The following MMP28 variants were observed in gnomAD, a reference collection of about 807,000 sequenced individuals.
The protein encoded by MMP28 is matrix metallopeptidase 28, also known as matrix metalloproteinase-28.
A neutral mutation model predicts 60.5 loss-of-function variants in MMP28; 55 were observed. The ratio of observed to expected loss-of-function variants is 0.91; its 90% CI spans 0.73 to 1.14. The LOEUF (loss-of-function observed/expected upper bound fraction) is 1.14, where lower values mean the gene tolerates loss of function less well. Ranked by LOEUF, MMP28 falls within the 50% of genes most tolerant of loss-of-function variation. MMP28 has a pLI of 0.00. For synonymous variants in MMP28, 318 were observed against 312.5 expected, an observed-to-expected ratio of 1.02 and a Z score of -0.18; for missense variants, 686 against 738.3, an observed-to-expected ratio of 0.93 and a Z score of 0.82.
intron 1 of MMP28, among the ~76,000 whole-genome samples, chr17:35,780,161 T>C (rs35517765): frequency 0.28 from 42,489 of 152,050 alleles, 7,482 homozygotes; most frequent in African/African-American, 0.49. Flanking sequence ...CTCCGCCTCC[T>C]GGGTTCAAGC....
intron 1 of MMP28, among the ~76,000 whole-genome samples, chr17:35,782,525 C>T (rs1348715726): frequency 1.3e-5 from 2 of 152,230 alleles, no homozygotes; most frequent in African/African-American, 4.8e-5. Context: ...GCAACCTCCA[C>T]ATCCTCTTCT....
Position 35,768,269 on chromosome 17 carries a change from G to A in MMP28, c.961C>T (p.Pro321Ser), listed in dbSNP as rs1555604245. Residue 321 changes from proline (P) to serine (S), a missense_variant, in exon 6 of 8, where the codon CCT (proline) becomes TCT (serine). Physicochemically the swap from Pro to Ser is moderately conservative, Grantham distance 74. Coordinates refer to ENST00000605424, the MANE Select transcript of MMP28 (RefSeq NM_024302.5). ...PQGRRPETQGPKYCHSSFDAI... is the reference protein window; with the variant it reads ...PQGRRPETQGSKYCHSSFDAI... ...TCGAAGGAAGAGTGGCAGTATTTAGGGCCCTGCGTTTCAGGGCGCCTTCCT... is the reference window on the plus strand; with the variant it reads ...TCGAAGGAAGAGTGGCAGTATTTAGAGCCCTGCGTTTCAGGGCGCCTTCCT... The A allele has an allele frequency of 2.5e-6, 4 of 1,612,740 alleles. No individual in the cohort carries two copies. In the South Asian group the frequency reaches 3.3e-5, roughly 13 times the overall value.
chr17:35,786,337 C>T (rs913522371), intron 1 of MMP28, among the ~76,000 whole-genome samples: 6 of 152,096 alleles, frequency 3.9e-5, no homozygotes, highest in Non-Finnish European at 7.3e-5. Flanking sequence ...AGATTACAGG[C>T]GTGAGCCACC....
Position 35,770,277 on chromosome 17 carries a change from C to A in MMP28, c.640G>T (p.Gly214Cys), listed in dbSNP as rs563321974. ...ALAHAFLPRR[G>C]EAHFDQDERW... ...TCATCTTGGTCGAAGTGCGCTTCGC[C>A]GCGGCGGGGCAGGAAGGCGTGCGCC... The change falls in exon 5 of 8, where the codon GGC becomes TGC. Residue 214 changes from glycine (G) to cysteine (C), a missense_variant. Physicochemically the swap from Gly to Cys is radical, Grantham distance 159. Transcript: ENST00000605424. The A allele has an allele frequency of 7.1e-6, 11 of 1,558,250 alleles. No homozygotes were observed. In the East Asian group the frequency reaches 1.2e-4, roughly 17 times the overall value.
intron 3 of MMP28, among the ~76,000 whole-genome samples, chr17:35,776,459 A>G (rs2086333972): frequency 6.6e-6 from 1 of 152,146 alleles, no homozygotes; most frequent in Non-Finnish European, 1.5e-5. Context: ...TAAAGATGTG[A>G]GCCACTGTGC....
In MMP28 at chr17:35,766,920, T is replaced by A; in HGVS notation, c.1169-26A>T. Reference sequence around the variant, plus strand: ...CTGTGGGGAATTGGGAGAGCCAGGGTGAGCTGGAGGCTGTCACCCATTGGC... The same window carrying A: ...CTGTGGGGAATTGGGAGAGCCAGGGAGAGCTGGAGGCTGTCACCCATTGGC... On this transcript the variant is annotated intron_variant, in intron 7 of 7. Coordinates refer to ENST00000605424, the MANE Select transcript of MMP28 (RefSeq NM_024302.5). This position sits in a 1 kb window ranked among gnomAD's most constrained non-coding sequence, Gnocchi z 4.3. The A allele has an allele frequency of 6.4e-7, 1 of 1,552,100 alleles. No individual in the cohort carries two copies. The highest frequency in any genetic ancestry group is 2.4e-5 in the East Asian group (1 of 41,458).
intron 2 of MMP28, among the ~76,000 whole-genome samples, chr17:35,759,571 C>T (rs797030210): frequency 8.5e-5 from 13 of 152,130 alleles, no homozygotes; most frequent in African/African-American, 2.6e-4. Context: ...TGTGGTGACA[C>T]GCGCCTGTAG....
At chr17:35,768,039 G>A in intron 6 of MMP28, 120 bp from the exon 7 acceptor site, 1 of 1,336,392 alleles carries the variant, frequency 7.5e-7, no homozygotes, top group South Asian at 1.5e-5. Context: ...GGTGTGTACA[G>A]TTGGCGCAGA....
exon 3 of MMP28, chr17:35,756,303 G>T: frequency 1.6e-6 from 1 of 611,506 alleles, no homozygotes; most frequent in Non-Finnish European, 2.0e-6. Context: ...TCCAAAGTAG[G>T]CAAGTGGCTC....
At chr17:35,793,251 A>G (rs960138768) in intron 1 of MMP28, among the ~76,000 whole-genome samples, 1 of 152,318 alleles carries the variant, frequency 6.6e-6, no homozygotes, top group African/African-American at 2.4e-5. Context: ...TTTCCCAAGC[A>G]TACCCCAAGA....
Position 35,770,262 on chromosome 17 carries a change from C to A in MMP28, c.655G>T (p.Asp219Tyr). The change falls in exon 5 of 8, where the codon GAC (aspartate) becomes TAC (tyrosine). Residue 219 changes from aspartate (D) to tyrosine (Y), a missense_variant. Transcript: ENST00000605424. ...CTCAGGGACCAGCGCTCATCTTGGT[C>A]GAAGTGCGCTTCGCCGCGGCGGGGC... is the stretch of plus-strand genomic sequence containing the variant. ...FLPRRGEAHFDQDERWSLSRR... is the reference protein window; with the variant it reads ...FLPRRGEAHFYQDERWSLSRR... 4 of 1,578,940 alleles carry A rather than the reference C, an allele frequency of 2.5e-6. No homozygotes were observed. The South Asian group carries it at 4.5e-5, about 18-fold the overall frequency.
chr17:35,783,299 G>T (rs1555609829), intron 1 of MMP28, among the ~76,000 whole-genome samples: 1 of 152,196 alleles, frequency 6.6e-6, no homozygotes, highest in Non-Finnish European at 1.5e-5. Flanking sequence ...AATTGATCTG[G>T]TTGATTTACC....
downstream of MMP28, among the ~76,000 whole-genome samples, chr17:35,765,314 C>T (rs2085912347): frequency 6.6e-6 from 1 of 152,230 alleles, no homozygotes; most frequent in Non-Finnish European, 1.5e-5. Flanking sequence ...TTCTCGCCTG[C>T]CCTAGACGCC....
chr17:35,766,185 A>G lies in MMP28; in HGVS notation c.*315T>C. The G allele has an allele frequency of 1.8e-6, 2 of 1,131,482 alleles. No individual in the cohort carries two copies. Among genetic ancestry groups the G allele is most frequent in the African/African-American group, 1.6e-5 (1 of 62,612 alleles). 70.1% of individuals were successfully genotyped at this position (1,131,482 alleles called of 1,614,324 possible). On this transcript the variant is annotated 3_prime_UTR_variant, in exon 8 of 8. Coordinates refer to ENST00000605424, the MANE Select transcript of MMP28 (RefSeq NM_024302.5). The surrounding 1 kb of genome is among the most constrained non-coding windows in gnomAD (Gnocchi z 4.3). ...GGATCCCAGTGCTGTTACCTCTTGA[A>G]AGGAACTGTACCTTTAGCCGAAGAA...
At position 35,767,825 on chromosome 17, in the gene MMP28, T is replaced by C. The variant is rs373240050; in HGVS notation, c.1095A>G (p.Arg365=). The C allele has an allele frequency of 2.2e-5, 35 of 1,611,446 alleles. No individual in the cohort carries two copies. Among genetic ancestry groups the C allele is most frequent in the Non-Finnish European group, 2.6e-5 (31 of 1,179,090 alleles). ...NVSEPRPLQE[R]WVGLPPNIEA... is the part of the protein sequence containing the mutation. ...CAATGTTGGGGGGCAGCCCGACCCA[T>C]CTTTCCTGCAGTGGACGGGGCTCTG... Residue 365 remains arginine (R), a synonymous_variant, in exon 7 of 8, where the codon AGA becomes AGG. Transcript: ENST00000605424.
At position 35,778,876 on chromosome 17, in the gene MMP28, A is replaced by C; in HGVS notation, c.379+12T>G. The C allele has an allele frequency of 6.2e-7, 1 of 1,614,050 alleles. No individual in the cohort carries two copies. The highest frequency in any genetic ancestry group is 1.7e-5 in the Admixed American group (1 of 60,034). The stretch of plus-strand genomic sequence containing the variant: ...GGAAATCTTGGCCTAGCCGGATTTT[A>C]ACAGTGCTCACCTTGCTTTGCAAAG... On this transcript the variant is annotated intron_variant, in intron 3 of 7. Transcript: ENST00000605424.
Position 35,773,337 on chromosome 17 carries a change from C to T in MMP28, c.447G>A (p.Pro149=), listed in dbSNP as rs779529308. The change falls in exon 4 of 8, where the codon CCG becomes CCA. Residue 149 remains proline, a synonymous_variant. Coordinates refer to ENST00000605424, the MANE Select transcript of MMP28 (RefSeq NM_024302.5). Reference sequence around the variant, plus strand: ...CGGCGCGCACGGCGCCCCGAACTGCCGGCTCCGGCAGATGCTCAGGCCAGT... The same window carrying T: ...CGGCGCGCACGGCGCCCCGAACTGCTGGCTCCGGCAGATGCTCAGGCCAGT... The part of the protein sequence containing the change: ...LVNWPEHLPE[P]AVRGAVRAAF... 23 of 1,612,494 alleles carry T rather than the reference C, an allele frequency of 1.4e-5. No homozygotes were observed. The highest frequency in any genetic ancestry group is 2.7e-5 in the African/African-American group (2 of 74,930).
At chr17:35,794,431 A>G (rs1285968298) in intron 1 of MMP28, among the ~76,000 whole-genome samples, 1 of 151,908 alleles carries the variant, frequency 6.6e-6, no homozygotes, top group Non-Finnish European at 1.5e-5. Flanking sequence ...TTTTTAATAA[A>G]GACGGGGTTT....
chr17:35,768,145 T>TC, intron 6 of MMP28, 85 bp downstream of exon 6: 2 of 1,478,746 alleles, frequency 1.4e-6, no homozygotes, highest in Non-Finnish European at 9.1e-7. Context: ...TTACAGTCCA[T>TC]CCCCCCAACT....
Sources: allele counts gnomAD v4.1 joint callset (sites outside exome capture counted in the v4.1 genomes callset), GRCh38; gene constraint gnomAD v4.1.1; non-coding constraint Gnocchi (gnomAD v3.1); transcripts MANE v1.5; gene names NCBI Gene and HGNC (gene_info 2026-07-23, HGNC 2026-07-21).